Variants in CERT1 observed in about 807,000 individuals in gnomAD.
The protein encoded by CERT1 is ceramide transfer protein.
CERT1 carries 31 observed loss-of-function variants against 87.9 expected under a neutral mutation model. The ratio of observed to expected loss-of-function variants is 0.35; its 90% CI spans 0.27 to 0.48. CERT1 has a LOEUF of 0.48. CERT1 is among the 20% of genes least tolerant of loss of function. The pLI, the probability that CERT1 is intolerant of heterozygous loss-of-function variation, is 0.99. For missense variants in CERT1, 487 were observed against 758.0 expected (o/e 0.64, Z 4.20); for synonymous variants, 289 against 250.9 (o/e 1.15, Z -1.44).
intron 12 of CERT1, 106 bp from the exon 13 acceptor site, chr5:75,386,140 CTATT>C (rs761247396): frequency 1.5e-5 from 13 of 855,738 alleles, no homozygotes; most frequent in Non-Finnish European, 2.1e-5. Flanking sequence ...TTATGAAAGT[CTATT>C]TATAGAACAT....
intron 1 of CERT1, among the ~76,000 whole-genome samples, chr5:75,509,561 A>AT (rs1225648716): frequency 1.3e-5 from 2 of 152,118 alleles, no homozygotes; most frequent in African/African-American, 2.4e-5. Context: ...TTGGTCTTCC[A>AT]TTTTTTTATC....
intron 5 of CERT1, among the ~76,000 whole-genome samples, chr5:75,422,775 T>C (rs1763442803): frequency 6.6e-6 from 1 of 152,192 alleles, no homozygotes; most frequent in Non-Finnish European, 1.5e-5. Flanking sequence ...AGACAAGGTT[T>C]GTAAAGCAGT....
chr5:75,498,828 C>T (rs1017898791), intron 2 of CERT1, among the ~76,000 whole-genome samples: 1 of 152,210 alleles, frequency 6.6e-6, no homozygotes, highest in Admixed American at 6.5e-5. Flanking sequence ...AGAAGAGGGC[C>T]ACTGTCCTCC....
intron 17 of CERT1, chr5:75,369,847 G>T (rs765929993): frequency 6.6e-6 from 1 of 152,210 alleles, no homozygotes; most frequent in Non-Finnish European, 1.5e-5. Context: ...TTCACTTATG[G>T]TATTTGTGCA....
chr5:75,431,043 A>G (rs1360347634), intron 3 of CERT1, among the ~76,000 whole-genome samples: 1 of 152,234 alleles, frequency 6.6e-6, no homozygotes, highest in Non-Finnish European at 1.5e-5. Context: ...TATCTCAAAC[A>G]AACAAAAGAC....
intron 3 of CERT1, among the ~76,000 whole-genome samples, chr5:75,438,239 T>C (rs906513518): frequency 6.6e-6 from 1 of 152,200 alleles, no homozygotes; most frequent in Admixed American, 6.5e-5. Context: ...TAAAAAGTAC[T>C]ATAGGGACCA....
intron 7 of CERT1, among the ~76,000 whole-genome samples, chr5:75,414,519 A>G (rs1763063099): frequency 6.6e-6 from 1 of 152,176 alleles, no homozygotes; most frequent in African/African-American, 2.4e-5. Flanking sequence ...ATGTAAGAAA[A>G]TGTATCTTCA....
downstream of CERT1, chr5:75,374,007 T>C (rs767990925): frequency 5.0e-6 from 2 of 398,422 alleles, no homozygotes; most frequent in Non-Finnish European, 8.8e-6. Flanking sequence ...CAAGGAGATC[T>C]AGCAAGAGAT....
chr5:75,388,180 C>T (rs1761877561), intron 12 of CERT1, among the ~76,000 whole-genome samples: 1 of 152,202 alleles, frequency 6.6e-6, no homozygotes, highest in Non-Finnish European at 1.5e-5. Context: ...TGATCTCAAA[C>T]TATTTTCTAC....
At chr5:75,451,008 T>C (rs1764747603) in intron 3 of CERT1, among the ~76,000 whole-genome samples, 1 of 152,192 alleles carries the variant, frequency 6.6e-6, no homozygotes, top group South Asian at 2.1e-4. Flanking sequence ...TTTCAAATAC[T>C]GCAGGCAGGA....
intron 17 of CERT1, chr5:75,370,986 A>T (rs1265158514): frequency 5.9e-5 from 9 of 152,312 alleles, no homozygotes; most frequent in Admixed American, 5.9e-4. Flanking sequence ...TTTAGGCTGC[A>T]ACTCAGTAGT....
chr5:75,471,993 C>T (rs1765733821), intron 2 of CERT1, among the ~76,000 whole-genome samples: 1 of 152,118 alleles, frequency 6.6e-6, no homozygotes, highest in Non-Finnish European at 1.5e-5. Context: ...AAGAACAATG[C>T]TGGAGAGGAT....
chr5:75,374,892 G>C (rs1217619058), downstream of CERT1: 2 of 385,578 alleles, frequency 5.2e-6, no homozygotes, highest in East Asian at 1.4e-4. Flanking sequence ...TGCATGCTGA[G>C]TGTATCTGTG....
intron 2 of CERT1, among the ~76,000 whole-genome samples, chr5:75,459,696 G>A (rs1765145525): frequency 6.6e-6 from 1 of 152,014 alleles, no homozygotes; most frequent in Non-Finnish European, 1.5e-5. Context: ...TGGGCACGGT[G>A]GCTCATGCAT....
chr5:75,422,568 G>T (rs922648982), intron 5 of CERT1, among the ~76,000 whole-genome samples: 35 of 152,322 alleles, frequency 2.3e-4, no homozygotes, highest in African/African-American at 7.9e-4. Context: ...AGTGAGCCAA[G>T]ATTGTGCCAC....
intron 17 of CERT1, chr5:75,369,794 G>C (rs1426751336): frequency 2.0e-5 from 3 of 152,182 alleles, no homozygotes; most frequent in African/African-American, 7.2e-5. Flanking sequence ...TAACCTCACA[G>C]AATTCTATAG....
rs1164004946 is a variant in CERT1 at position 75,379,098 on chromosome 5, G to C, written c.*248C>G. 3 of 365,262 alleles carry C rather than the reference G, an allele frequency of 8.2e-6. No individual in the cohort carries two copies. Among genetic ancestry groups the C allele is most frequent in the South Asian group, 4.4e-5 (1 of 22,740 alleles). 22.6% of individuals were successfully genotyped at this position (365,262 alleles called of 1,614,324 possible). A position where few individuals can be genotyped will look rare whatever the true frequency, so the allele number is the denominator to read the frequency against. On this transcript the variant is annotated 3_prime_UTR_variant, in exon 17 of 17. Transcript: ENST00000643780. ...CTGGGAAGGCTGAGATGAGAGGATT[G>C]TTTGAGGCCAGAGGTTGAGGTTGCA...
intron 7 of CERT1, among the ~76,000 whole-genome samples, chr5:75,414,553 C>A (rs1763064211): frequency 6.6e-6 from 1 of 151,964 alleles, no homozygotes; most frequent in African/African-American, 2.4e-5. Context: ...CTCTTATTAA[C>A]ACTGTTAACC....
chr5:75,446,904 T>C (rs1764562063), intron 3 of CERT1, among the ~76,000 whole-genome samples: 1 of 152,210 alleles, frequency 6.6e-6, no homozygotes, highest in South Asian at 2.1e-4. Context: ...TCAAGTCTCC[T>C]AGAAATCACT....
Sources: allele counts gnomAD v4.1 joint callset (sites outside exome capture counted in the v4.1 genomes callset), GRCh38; gene constraint gnomAD v4.1.1; transcripts MANE v1.5; gene names NCBI Gene and HGNC (gene_info 2026-07-23, HGNC 2026-07-21).